AP3B1: variants seen among roughly 807,000 people sequenced by gnomAD.
AP3B1 encodes adaptor related protein complex 3 subunit beta 1.
Under a neutral mutation model 132.5 loss-of-function variants are expected in AP3B1, and 61 were observed. The ratio of observed to expected loss-of-function variants is 0.46; its 90% CI spans 0.37 to 0.57. AP3B1 has a LOEUF of 0.57. Ranked by LOEUF, AP3B1 falls within the 20% of genes least tolerant of loss-of-function variation. The probability of loss-of-function intolerance (pLI) is 0.00; values close to 1 mark genes in which losing one functional copy is unlikely to be tolerated. For synonymous variants in AP3B1, 388 were observed against 438.3 expected, an observed-to-expected ratio of 0.89 and a Z score of 1.43; for missense variants, 1,120 against 1,289.4, an observed-to-expected ratio of 0.87 and a Z score of 2.01.
chr5:78,165,994 C>T (rs1375118685), intron 11 of AP3B1, among the ~76,000 whole-genome samples: 2 of 151,344 alleles, frequency 1.3e-5, no homozygotes, highest in Admixed American at 6.6e-5. Context: ...AGGAGAATTG[C>T]TGGAACCCAG....
chr5:78,185,372 T>C (rs1244630583), intron 7 of AP3B1, among the ~76,000 whole-genome samples: 1 of 152,178 alleles, frequency 6.6e-6, no homozygotes, highest in African/African-American at 2.4e-5. Flanking sequence ...AGAAAAGTTA[T>C]AACATTGATA....
intron 7 of AP3B1, among the ~76,000 whole-genome samples, chr5:78,205,817 G>A (rs1482690503): frequency 6.6e-6 from 1 of 151,526 alleles, no homozygotes; most frequent in Non-Finnish European, 1.5e-5. Flanking sequence ...AGAATCATGG[G>A]GATGGAGGGT....
At chr5:78,225,033 G>A (rs2112491035) in intron 6 of AP3B1, among the ~76,000 whole-genome samples, 1 of 152,178 alleles carries the variant, frequency 6.6e-6, no homozygotes. Flanking sequence ...ATCCAGGATA[G>A]ATCAAATGCT....
intron 23 of AP3B1, among the ~76,000 whole-genome samples, chr5:78,038,127 A>G (rs1004362578): frequency 1.3e-5 from 2 of 152,142 alleles, no homozygotes; most frequent in Non-Finnish European, 2.9e-5. Context: ...CAACCCACTC[A>G]TTGGTTGCTG....
chr5:78,181,728 A>G, intron 7 of AP3B1, 66 bp from the exon 8 acceptor site: 4 of 1,447,548 alleles, frequency 2.8e-6, no homozygotes, highest in Non-Finnish European at 3.8e-6. Flanking sequence ...TTATATAGTC[A>G]AAGAAAACTT....
At chr5:78,075,515 G>C (rs1188462956) in intron 22 of AP3B1, among the ~76,000 whole-genome samples, 2 of 152,204 alleles carry the variant, frequency 1.3e-5, no homozygotes, top group Non-Finnish European at 2.9e-5. Context: ...TCACGGAAGA[G>C]TTGTAACTCC....
At chr5:78,252,671 CT>C (rs1747689322) in intron 2 of AP3B1, among the ~76,000 whole-genome samples, 3 of 152,262 alleles carry the variant, frequency 2.0e-5, no homozygotes, top group Admixed American at 2.0e-4. Context: ...AGCATTGCAC[CT>C]TGTGGTTTGA....
chr5:78,098,362 T>C (rs2112228105), intron 21 of AP3B1, among the ~76,000 whole-genome samples: 1 of 152,060 alleles, frequency 6.6e-6, no homozygotes, highest in African/African-American at 2.4e-5. Context: ...AGAATGGAAC[T>C]ATAACAATTA....
intron 17 of AP3B1, among the ~76,000 whole-genome samples, chr5:78,126,682 C>G (rs1752481056): frequency 1.3e-5 from 2 of 152,022 alleles, no homozygotes; most frequent in African/African-American, 4.8e-5. Flanking sequence ...TTGGCTGTCT[C>G]TAAGTACAGA....
chr5:78,182,864 G>C (rs1744427444), intron 7 of AP3B1, among the ~76,000 whole-genome samples: 1 of 152,206 alleles, frequency 6.6e-6, no homozygotes, highest in South Asian at 2.1e-4. Flanking sequence ...GGGATTGAGA[G>C]TTTCATCTCT....
chr5:78,172,609 A>G (rs951162685), intron 11 of AP3B1, among the ~76,000 whole-genome samples: 5 of 151,992 alleles, frequency 3.3e-5, no homozygotes, highest in Non-Finnish European at 5.9e-5. Flanking sequence ...TAATGCATCT[A>G]TTTGATTCTT....
chr5:78,286,581 GT>G (rs1225445386), intron 1 of AP3B1, among the ~76,000 whole-genome samples: 1 of 152,152 alleles, frequency 6.6e-6, no homozygotes, highest in African/African-American at 2.4e-5. Flanking sequence ...CTCCAAAAAT[GT>G]GAGAAATAAA....
At chr5:78,055,304 G>A (rs1274576267) in intron 22 of AP3B1, among the ~76,000 whole-genome samples, 1 of 152,224 alleles carries the variant, frequency 6.6e-6, no homozygotes, top group Non-Finnish European at 1.5e-5. Flanking sequence ...TTCCTCAGAA[G>A]TAAGAATGGT....
intron 24 of AP3B1, among the ~76,000 whole-genome samples, chr5:78,033,237 GTTGT>G (rs1371764257): frequency 1.3e-5 from 2 of 152,010 alleles, no homozygotes; most frequent in Non-Finnish European, 2.9e-5. Flanking sequence ...ATTGATCTGT[GTTGT>G]TTGTCTAATA....
At chr5:78,291,722 T>G (rs1580602954) in intron 1 of AP3B1, among the ~76,000 whole-genome samples, 2 of 152,206 alleles carry the variant, frequency 1.3e-5, no homozygotes, top group East Asian at 3.9e-4. Context: ...TAAAGAAGAT[T>G]AAAGAGACAT....
intron 3 of AP3B1, among the ~76,000 whole-genome samples, chr5:78,228,940 A>G (rs1373663767): frequency 6.6e-6 from 1 of 151,928 alleles, no homozygotes; most frequent in Non-Finnish European, 1.5e-5. Flanking sequence ...TTGGTTTTCG[A>G]TTTTTTTTCT....
In AP3B1 at chr5:78,009,394, T is replaced by C. The variant is rs561157337; in HGVS notation, c.3131+6016A>G. Among the ~76,000 whole-genome samples, 9 of 152,032 alleles carry C rather than the reference T, an allele frequency of 5.9e-5. No individual in the cohort carries two copies. In the East Asian group the frequency reaches 1.5e-3, roughly 26 times the overall value. ...ACGATTGCCTGGGCCCAGTTCAAGGTTGCAGTGAGCTACAACTGTGCCACT... is the reference window on the plus strand; with the variant it reads ...ACGATTGCCTGGGCCCAGTTCAAGGCTGCAGTGAGCTACAACTGTGCCACT... On this transcript the variant is annotated intron_variant, in intron 26 of 26. Transcript: ENST00000255194.
intron 14 of AP3B1, among the ~76,000 whole-genome samples, chr5:78,150,219 A>G (rs1753585749): frequency 6.6e-6 from 1 of 152,202 alleles, no homozygotes; most frequent in Non-Finnish European, 1.5e-5. Flanking sequence ...CTCAAGAAAA[A>G]GGCATAGTAA....
chr5:78,265,980 C>T (rs879589213), intron 2 of AP3B1, among the ~76,000 whole-genome samples: 3 of 152,136 alleles, frequency 2.0e-5, no homozygotes, highest in Non-Finnish European at 4.4e-5. Flanking sequence ...GACAAAGAGG[C>T]AACACAACTA....
Sources: gnomAD v4.1 joint callset for allele counts (sites outside exome capture counted in the v4.1 genomes callset) on GRCh38, gnomAD v4.1.1 for gene constraint, MANE v1.5 for transcripts, NCBI Gene and HGNC (gene_info 2026-07-23, HGNC 2026-07-21) for gene names.